The following CDKAL1 variants were observed in gnomAD, a reference collection of about 807,000 sequenced individuals.
CDKAL1 encodes the protein threonylcarbamoyladenosine tRNA methylthiotransferase.
A neutral mutation model predicts 68.2 loss-of-function variants in CDKAL1; 32 were observed. That is an observed-to-expected ratio of 0.47 (90% CI 0.35 to 0.63). The LOEUF is 0.63. Ranked by LOEUF, CDKAL1 falls within the 30% of genes least tolerant of loss-of-function variation. The pLI, the probability that CDKAL1 is intolerant of heterozygous loss-of-function variation, is 0.00. For synonymous variants in CDKAL1, 234 were observed against 244.3 expected (o/e 0.96, Z 0.39); for missense variants, 606 against 696.7 (o/e 0.87, Z 1.47).
intron 13 of CDKAL1, among the ~76,000 whole-genome samples, chr6:21,139,025 T>C (rs762723158): frequency 1.2e-4 from 18 of 152,342 alleles, no homozygotes; most frequent in Middle Eastern, 3.4e-3. Context: ...AAGATATACA[T>C]TATTGAAAAG....
At chr6:20,816,190 C>G (rs561402199) in intron 8 of CDKAL1, among the ~76,000 whole-genome samples, 1 of 149,020 alleles carries the variant, frequency 6.7e-6, no homozygotes, top group African/African-American at 2.5e-5. Flanking sequence ...TCTCATCTGA[C>G]TTCATCTTAA....
intron 8 of CDKAL1, among the ~76,000 whole-genome samples, chr6:20,798,463 C>T (rs1421676413): frequency 8.5e-5 from 13 of 152,126 alleles, no homozygotes; most frequent in Admixed American, 5.9e-4. Context: ...AGCATGCACA[C>T]GTATGTTTAT....
chr6:20,911,992 G>A (rs1375119483), intron 9 of CDKAL1, among the ~76,000 whole-genome samples: 2 of 152,106 alleles, frequency 1.3e-5, no homozygotes, highest in Non-Finnish European at 2.9e-5. Context: ...AAGTCAGATG[G>A]GATCTGACAA....
At chr6:20,932,901 C>T (rs1370202008) in intron 9 of CDKAL1, among the ~76,000 whole-genome samples, 1 of 152,160 alleles carries the variant, frequency 6.6e-6, no homozygotes, top group African/African-American at 2.4e-5. Flanking sequence ...AGGACCTGTA[C>T]TAGATGTTTT....
chr6:20,943,196 G>A (rs913215229), intron 9 of CDKAL1, among the ~76,000 whole-genome samples: 4 of 151,036 alleles, frequency 2.6e-5, no homozygotes, highest in African/African-American at 4.9e-5. Flanking sequence ...TTGAGGTTAT[G>A]TCTCCATTAC....
chr6:20,949,588 G>A (rs1764421635), intron 9 of CDKAL1, among the ~76,000 whole-genome samples: 1 of 152,084 alleles, frequency 6.6e-6, no homozygotes, highest in African/African-American at 2.4e-5. Flanking sequence ...AATTCATTGA[G>A]GCCCTGCTGT....
intron 5 of CDKAL1, among the ~76,000 whole-genome samples, chr6:20,667,280 GAC>G (rs1266537083): frequency 1.3e-5 from 2 of 152,166 alleles, no homozygotes; most frequent in Non-Finnish European, 2.9e-5. Flanking sequence ...AAAGATTAAT[GAC>G]ACAGTCACTG....
chr6:21,147,382 A>G (rs1051849098), intron 13 of CDKAL1, among the ~76,000 whole-genome samples: 2 of 152,170 alleles, frequency 1.3e-5, no homozygotes, highest in Non-Finnish European at 2.9e-5. Flanking sequence ...TCCTTATGAG[A>G]TTGGCAAATA....
chr6:21,128,947 A>C (rs1227895243), intron 13 of CDKAL1, among the ~76,000 whole-genome samples: 1 of 152,230 alleles, frequency 6.6e-6, no homozygotes, highest in Non-Finnish European at 1.5e-5. Flanking sequence ...ATGGAGGTGC[A>C]GTCTGTCCTG....
intron 5 of CDKAL1, among the ~76,000 whole-genome samples, chr6:20,698,900 G>A (rs1486990462): frequency 6.6e-6 from 1 of 152,128 alleles, no homozygotes; most frequent in East Asian, 1.9e-4. Context: ...GTGTTTAAGA[G>A]TTGGTAGAAT....
At chr6:20,716,727 G>A (rs2328548) in intron 5 of CDKAL1, among the ~76,000 whole-genome samples, 45,531 of 150,748 alleles carry the variant, frequency 0.3, 8,778 homozygotes, top group African/African-American at 0.54. Flanking sequence ...TTGTTGGTTT[G>A]TATACTTGAT....
intron 4 of CDKAL1, among the ~76,000 whole-genome samples, chr6:20,620,997 C>T (rs1474429098): frequency 2.0e-5 from 3 of 152,056 alleles, no homozygotes; most frequent in Non-Finnish European, 2.9e-5. Flanking sequence ...ATTTACTTGT[C>T]ATGTCTCCTT....
chr6:21,218,074 A>G (rs1294793183), intron 15 of CDKAL1, among the ~76,000 whole-genome samples: 2 of 152,192 alleles, frequency 1.3e-5, no homozygotes, highest in Non-Finnish European at 2.9e-5. Context: ...TGTCCTCCCT[A>G]CCTTGTGGTT....
intron 10 of CDKAL1, among the ~76,000 whole-genome samples, chr6:20,967,260 G>A (rs1765365520): frequency 6.6e-6 from 1 of 152,078 alleles, no homozygotes; most frequent in Non-Finnish European, 1.5e-5. Flanking sequence ...GCTACTGGGG[G>A]TTAGGACTTA....
intron 5 of CDKAL1, among the ~76,000 whole-genome samples, chr6:20,677,502 T>A (rs1770172221): frequency 6.6e-6 from 1 of 152,098 alleles, no homozygotes; most frequent in Non-Finnish European, 1.5e-5. Context: ...CATTGCTGCC[T>A]CCACCTCCCA....
intron 4 of CDKAL1, among the ~76,000 whole-genome samples, chr6:20,638,615 CTTTT>C (rs66721753): frequency 7.7e-6 from 1 of 129,970 alleles, no homozygotes; most frequent in Admixed American, 7.6e-5. Context: ...ATTAGAGATT[CTTTT>C]TTTTTTTTTT....
In CDKAL1 at chr6:20,853,436, A is replaced by G. The variant is rs189847272; in HGVS notation, c.742+7258A>G. 2.0e-5 allele frequency among the ~76,000 whole-genome samples: 3 copies of G among 151,720 alleles called. No homozygotes were observed. The East Asian group carries it at 5.8e-4, about 29-fold the overall frequency. ...AAACCCTATATGATAGGGGTTATTG[A>G]TGAAGGGGTTCCATGGTCAATTCTG... On this transcript the variant is annotated intron_variant, in intron 9 of 15. Transcript: ENST00000274695.
intron 11 of CDKAL1, among the ~76,000 whole-genome samples, chr6:21,016,296 A>G (rs1055997139): frequency 6.6e-6 from 1 of 152,054 alleles, no homozygotes; most frequent in Non-Finnish European, 1.5e-5. Flanking sequence ...ATTGGAACCC[A>G]GGTTTCCTAG....
At chr6:20,657,306 G>C (rs1769070508) in intron 5 of CDKAL1, among the ~76,000 whole-genome samples, 1 of 152,178 alleles carries the variant, frequency 6.6e-6, no homozygotes, top group Admixed American at 6.6e-5. Context: ...AGCCTGATAA[G>C]ATGTTGCTTC....
Sources: gnomAD v4.1 joint callset for allele counts (sites outside exome capture counted in the v4.1 genomes callset) on GRCh38, gnomAD v4.1.1 for gene constraint, MANE v1.5 for transcripts, NCBI Gene and HGNC (gene_info 2026-07-23, HGNC 2026-07-21) for gene names.